The following DYNC1I2 variants were observed in gnomAD, a reference collection of about 807,000 sequenced individuals.
The protein encoded by DYNC1I2 is cytoplasmic dynein 1 intermediate chain 2.
DYNC1I2 carries 53 observed loss-of-function variants against 88.6 expected under a neutral mutation model. The ratio of observed to expected loss-of-function variants is 0.60; its 90% CI spans 0.48 to 0.75. DYNC1I2 has a LOEUF of 0.75. Ranked by LOEUF, DYNC1I2 falls within the 30% of genes least tolerant of loss-of-function variation. DYNC1I2 has a pLI of 0.00. For missense variants in DYNC1I2, 458 were observed against 766.6 expected (o/e 0.60, Z 4.75); for synonymous variants, 198 against 254.6 (o/e 0.78, Z 2.12).
At chr2:171,737,123 C>G (rs552581240) in intron 15 of DYNC1I2, among the ~76,000 whole-genome samples, 1 of 152,138 alleles carries the variant, frequency 6.6e-6, no homozygotes, top group Non-Finnish European at 1.5e-5. Flanking sequence ...GTCTCTCTCC[C>G]GGCTTCTGAT....
At chr2:171,699,794 G>T (rs1033562895) in intron 3 of DYNC1I2, among the ~76,000 whole-genome samples, 1 of 151,406 alleles carries the variant, frequency 6.6e-6, no homozygotes, top group African/African-American at 2.4e-5. Context: ...GTATCACTAT[G>T]CCTGGCTAGT....
chr2:171,712,624 AT>A (rs5836347), intron 5 of DYNC1I2, 142 bp from the exon 6 acceptor site: 155,075 of 483,590 alleles, frequency 0.32, 12,190 homozygotes, highest in African/African-American at 0.39. Flanking sequence ...TTTGTTTTCG[AT>A]TTTTTTTTTT....
chr2:171,712,847 CT>C (rs752935744), intron 6 of DYNC1I2, 21 bp downstream of exon 6: 1 of 1,596,850 alleles, frequency 6.3e-7, no homozygotes, highest in South Asian at 1.1e-5. Context: ...GATTTTTTAC[CT>C]TCCCTGTTTT....
At chr2:171,734,200 A>C (rs1490858237) in intron 15 of DYNC1I2, among the ~76,000 whole-genome samples, 1 of 152,050 alleles carries the variant, frequency 6.6e-6, no homozygotes, top group Non-Finnish European at 1.5e-5. Context: ...TTACTCTCTC[A>C]GGGTGTCAGT....
At chr2:171,705,167 CTT>C (rs894143970) in intron 3 of DYNC1I2, among the ~76,000 whole-genome samples, 13 of 152,110 alleles carry the variant, frequency 8.5e-5, no homozygotes, top group Admixed American at 2.6e-4. Flanking sequence ...ATTTCTGAAA[CTT>C]TTATTTCAGA....
chr2:171,730,367 G>A (rs1420276308), intron 15 of DYNC1I2, among the ~76,000 whole-genome samples: 1 of 152,148 alleles, frequency 6.6e-6, no homozygotes, highest in Non-Finnish European at 1.5e-5. Flanking sequence ...TAAAAGCATG[G>A]ATGCATATAT....
chr2:171,692,089 A>AT (rs1685441105), intron 2 of DYNC1I2, among the ~76,000 whole-genome samples: 1 of 152,162 alleles, frequency 6.6e-6, no homozygotes, highest in Admixed American at 6.5e-5. Flanking sequence ...TGAGATTTAC[A>AT]TAAAAAAAAC....
chr2:171,709,723 CT>C, intron 5 of DYNC1I2, among the ~76,000 whole-genome samples: 1 of 152,222 alleles, frequency 6.6e-6, no homozygotes, highest in African/African-American at 2.4e-5. Context: ...TTACATCTTT[CT>C]TTTTTTCTTT....
At chr2:171,727,993 A>T (rs1205206279) in intron 12 of DYNC1I2, 26 bp downstream of exon 12, 1 of 1,607,638 alleles carries the variant, frequency 6.2e-7, no homozygotes, top group Non-Finnish European at 8.5e-7. Context: ...TATTTCCATT[A>T]GGCTTCTGTG....
At chr2:171,728,485 A>G in intron 13 of DYNC1I2, 67 bp downstream of exon 13, 1 of 996,944 alleles carries the variant, frequency 1.0e-6, no homozygotes, top group Non-Finnish European at 1.5e-6. Context: ...GTGTACCTCA[A>G]CTTATGTTTC....
chr2:171,728,188 T>G (rs919121214), intron 12 of DYNC1I2, 117 bp from the exon 13 acceptor site: 1 of 721,534 alleles, frequency 1.4e-6, no homozygotes, highest in Non-Finnish European at 2.2e-6. Flanking sequence ...AACTTCACAT[T>G]AAGAATACCC....
intron 3 of DYNC1I2, among the ~76,000 whole-genome samples, chr2:171,698,184 G>T (rs1685929081): frequency 6.6e-6 from 1 of 152,172 alleles, no homozygotes; most frequent in Non-Finnish European, 1.5e-5. Flanking sequence ...TTAATTAAGA[G>T]TTGCAGCATT....
Position 171,747,940 on chromosome 2 carries a change from G to C in DYNC1I2, c.*51G>C, listed in dbSNP as rs1475707888. ...TGGATTTGGGAAAGGTTCTTAAGTAGATCCTGAGACTATTTGCATGCTTCT... is the reference window on the plus strand; with the variant it reads ...TGGATTTGGGAAAGGTTCTTAAGTACATCCTGAGACTATTTGCATGCTTCT... On this transcript the variant is annotated 3_prime_UTR_variant, in exon 18 of 18. Transcript: ENST00000397119. 7.8e-7 allele frequency: 1 copy of C among 1,282,412 alleles called. No homozygotes were observed. The highest frequency in any genetic ancestry group is 1.1e-6 in the Non-Finnish European group (1 of 894,582). 79.4% of individuals were successfully genotyped at this position (1,282,412 alleles called of 1,614,324 possible). A position where few individuals can be genotyped will look rare whatever the true frequency, so the allele number is the denominator to read the frequency against.
At chr2:171,726,540 A>G (rs1688268214) in intron 10 of DYNC1I2, 3 of 556,298 alleles carry the variant, frequency 5.4e-6, no homozygotes, top group Non-Finnish European at 8.9e-6. Flanking sequence ...TTGCTCACCA[A>G]ATCCTTTGTG....
intron 15 of DYNC1I2, among the ~76,000 whole-genome samples, chr2:171,742,671 C>T (rs189273572): frequency 3.7e-4 from 57 of 152,108 alleles, no homozygotes; most frequent in African/African-American, 1.2e-3. Context: ...GGATAACTTT[C>T]CTAGTTCATT....
At chr2:171,701,217 G>GCT (rs1471098803) in intron 3 of DYNC1I2, among the ~76,000 whole-genome samples, 4 of 152,046 alleles carry the variant, frequency 2.6e-5, no homozygotes, top group South Asian at 2.1e-4. Context: ...ACGGAGTCTT[G>GCT]CTCTCTCTCC....
rs780871436 is a variant in DYNC1I2 at position 171,692,898 on chromosome 2, A to G, written c.226+4A>G. Reference sequence around the variant, plus strand: ...CTAACTCCAGAATCCCCCATTGGTAAGGTTAAGAATATATCCATTTATAAG... The same window carrying G: ...CTAACTCCAGAATCCCCCATTGGTAGGGTTAAGAATATATCCATTTATAAG... On this transcript the variant is annotated splice_donor_region_variant and intron_variant, in intron 3 of 17. Coordinates refer to ENST00000397119, the MANE Select transcript of DYNC1I2 (RefSeq NM_001378.3). 1.3e-6 allele frequency: 2 copies of G among 1,577,678 alleles called. No homozygotes were observed.
Position 171,726,287 on chromosome 2 carries a change from A to G in DYNC1I2, c.864A>G (p.Ser288=), listed in dbSNP as rs1205424168. 2.5e-6 allele frequency: 4 copies of G among 1,606,502 alleles called. No individual in the cohort carries two copies. The highest frequency in any genetic ancestry group is 2.0e-4 in the Middle Eastern group (1 of 5,092). Residue 288 remains serine, a synonymous_variant, in exon 10 of 18, where the codon TCA becomes TCG. Transcript: ENST00000397119. ...KHRVVSCLDW[S]SQYPELLVAS... Reference sequence around the variant, plus strand: ...GGGTGGTTAGTTGTTTGGATTGGTCATCTCAGGTAAAATATAACAAAATAG... The same window carrying G: ...GGGTGGTTAGTTGTTTGGATTGGTCGTCTCAGGTAAAATATAACAAAATAG...
intron 7 of DYNC1I2, among the ~76,000 whole-genome samples, chr2:171,716,172 T>A (rs1450889738): frequency 6.6e-6 from 1 of 152,154 alleles, no homozygotes; most frequent in Non-Finnish European, 1.5e-5. Flanking sequence ...CTGAAGCTTT[T>A]GGGGCCATAT....
Sources: gnomAD v4.1 joint callset for allele counts (sites outside exome capture counted in the v4.1 genomes callset) on GRCh38, gnomAD v4.1.1 for gene constraint, MANE v1.5 for transcripts, NCBI Gene and HGNC (gene_info 2026-07-23, HGNC 2026-07-21) for gene names.